Variants in SNX3 observed in about 807,000 individuals in gnomAD.
SNX3 encodes the protein sorting nexin-3.
In SNX3, 5 loss-of-function variants were observed where a neutral mutation model predicts 17.7. The ratio of observed to expected loss-of-function variants is 0.28; its 90% CI spans 0.15 to 0.59. The LOEUF (loss-of-function observed/expected upper bound fraction) is 0.59, where lower values mean the gene tolerates loss of function less well. Among genes scored for constraint, SNX3 ranks in the 20% least tolerant of loss-of-function variants. The pLI is 0.88. For missense variants in SNX3, 132 were observed against 206.8 expected (o/e 0.64, Z 2.22); for synonymous variants, 91 against 76.5 (o/e 1.19, Z -0.99).
chr6:108,258,444 C>G (rs985227939), intron 1 of SNX3, among the ~76,000 whole-genome samples: 4 of 146,132 alleles, frequency 2.7e-5, no homozygotes, highest in African/African-American at 1.0e-4. Context: ...GGCAACAGAG[C>G]GAGACTCCGT....
rs566492458 is a variant in SNX3, at chr6:108,230,461, C to T, written c.163-7416G>A. Reference sequence around the variant, plus strand: ...TTGTGGGAAATAACAATAGATCAGCCGATGTGGGCACAGTGATCACAGACA... The same window carrying T: ...TTGTGGGAAATAACAATAGATCAGCTGATGTGGGCACAGTGATCACAGACA... On this transcript the variant is annotated intron_variant, in intron 1 of 3. Transcript: ENST00000230085. 7.0e-4 allele frequency among the ~76,000 whole-genome samples: 107 copies of T among 152,014 alleles called. 3 individuals carry two copies. The South Asian group carries it at 0.022, about 31-fold the overall frequency.
At chr6:108,236,188 T>C (rs1470886003) in intron 1 of SNX3, among the ~76,000 whole-genome samples, 1 of 151,732 alleles carries the variant, frequency 6.6e-6, no homozygotes, top group East Asian at 1.9e-4. Flanking sequence ...AGAATAGTCA[T>C]ATGAAACAGT....
intron 1 of SNX3, among the ~76,000 whole-genome samples, chr6:108,232,490 G>A (rs535606404): frequency 1.3e-5 from 2 of 152,208 alleles, no homozygotes; most frequent in East Asian, 3.9e-4. Context: ...GCAGCTCACA[G>A]ATACCCTATA....
chr6:108,241,694 A>G (rs77032851), intron 1 of SNX3, among the ~76,000 whole-genome samples: 1 of 152,192 alleles, frequency 6.6e-6, no homozygotes, highest in Non-Finnish European at 1.5e-5. Flanking sequence ...AAAAATAAAT[A>G]GCAACCACCA....
At chr6:108,255,241 C>T (rs774133449) in intron 1 of SNX3, among the ~76,000 whole-genome samples, 3 of 152,144 alleles carry the variant, frequency 2.0e-5, no homozygotes, top group African/African-American at 7.2e-5. Context: ...AAAAGTCAGC[C>T]GTAGCTGGCA....
At chr6:108,223,885 G>A (rs12193202) in intron 1 of SNX3, among the ~76,000 whole-genome samples, 1 of 152,064 alleles carries the variant, frequency 6.6e-6, no homozygotes, top group Non-Finnish European at 1.5e-5. Flanking sequence ...TTCTGCCTGA[G>A]GATATTTACA....
At chr6:108,225,236 C>G (rs542068575) in intron 1 of SNX3, among the ~76,000 whole-genome samples, 67 of 151,566 alleles carry the variant, frequency 4.4e-4, no homozygotes, top group African/African-American at 1.5e-3. Flanking sequence ...GAGCCGAGAT[C>G]GCGCCACTGC....
At chr6:108,212,639 A>G (rs1774442962) in intron 3 of SNX3, among the ~76,000 whole-genome samples, 1 of 152,142 alleles carries the variant, frequency 6.6e-6, no homozygotes. Flanking sequence ...CGCCCGGCTC[A>G]GAATCATGTA....
At chr6:108,249,168 T>A (rs566289128) in intron 1 of SNX3, among the ~76,000 whole-genome samples, 1 of 152,254 alleles carries the variant, frequency 6.6e-6, no homozygotes, top group South Asian at 2.1e-4. Flanking sequence ...AAGACCAACC[T>A]GGGCAATGTA....
In SNX3 at chr6:108,224,125, T is replaced by C. The variant is rs114814413; in HGVS notation, c.163-1080A>G. On this transcript the variant is annotated intron_variant, in intron 1 of 3. Coordinates refer to ENST00000230085, the MANE Select transcript of SNX3 (RefSeq NM_003795.6). ...TCTCAATGCCTATCACACTGCCCGT[T>C]GATGTAGAAGTTCTTTTTCTTCTCC... is the stretch of plus-strand genomic sequence containing the variant. Among the ~76,000 whole-genome samples the C allele has an allele frequency of 4.7e-3, 723 of 152,230 alleles. 8 individuals are homozygous for C. Among genetic ancestry groups the C allele is most frequent in the African/African-American group, 0.016 (658 of 41,566 alleles).
chr6:108,222,119 T>C, intron 2 of SNX3: 1 of 1,003,964 alleles, frequency 1.0e-6, no homozygotes, highest in South Asian at 1.7e-5. Context: ...CAGCCACTTT[T>C]ATCTTAGGCT....
intron 1 of SNX3, among the ~76,000 whole-genome samples, chr6:108,229,153 C>T (rs1004257780): frequency 1.3e-5 from 2 of 150,522 alleles, no homozygotes; most frequent in Non-Finnish European, 2.9e-5. Context: ...CCTGCTACTC[C>T]GGAGGCTATG....
chr6:108,249,609 T>C (rs1775790001), intron 1 of SNX3, among the ~76,000 whole-genome samples: 1 of 152,092 alleles, frequency 6.6e-6, no homozygotes, highest in African/African-American at 2.4e-5. Context: ...TTCTTTCCTT[T>C]ATGTGGGTAT....
At chr6:108,223,497 CTTTT>C (rs59920022) in intron 1 of SNX3, among the ~76,000 whole-genome samples, 60 of 110,356 alleles carry the variant, frequency 5.4e-4, no homozygotes, top group African/African-American at 1.9e-3. Context: ...TTTGCTAGTT[CTTTT>C]TTTTTTTTTT....
intron 1 of SNX3, among the ~76,000 whole-genome samples, chr6:108,236,577 G>A (rs574962716): frequency 2.0e-5 from 3 of 150,924 alleles, no homozygotes; most frequent in East Asian, 3.9e-4. Flanking sequence ...TAGAGACGGG[G>A]TTTCACCGTT....
At chr6:108,220,754 G>A (rs1320069659) in intron 2 of SNX3, among the ~76,000 whole-genome samples, 2 of 152,166 alleles carry the variant, frequency 1.3e-5, no homozygotes, top group South Asian at 4.2e-4. Flanking sequence ...GAGGAGGGCG[G>A]ATCACCTGAG....
intron 1 of SNX3, among the ~76,000 whole-genome samples, chr6:108,249,894 C>T (rs1368652954): frequency 6.6e-6 from 1 of 152,036 alleles, no homozygotes; most frequent in Non-Finnish European, 1.5e-5. Context: ...TAAATGAATG[C>T]TTTTTCCATA....
intron 2 of SNX3, among the ~76,000 whole-genome samples, chr6:108,220,553 G>A (rs533394749): frequency 5.9e-5 from 9 of 152,102 alleles, no homozygotes; most frequent in Admixed American, 2.0e-4. Context: ...ACACCACCTG[G>A]GTTTGTGTGA....
intron 1 of SNX3, among the ~76,000 whole-genome samples, chr6:108,227,479 A>G (rs765630006): frequency 6.6e-6 from 1 of 152,176 alleles, no homozygotes; most frequent in Non-Finnish European, 1.5e-5. Flanking sequence ...CTTTTGACAC[A>G]ATCATGATTA....
Sources: allele counts gnomAD v4.1 joint callset (sites outside exome capture counted in the v4.1 genomes callset), GRCh38; gene constraint gnomAD v4.1.1; transcripts MANE v1.5; gene names NCBI Gene and HGNC (gene_info 2026-07-23, HGNC 2026-07-21).